The following NRP1 variants were observed in gnomAD, a reference collection of about 807,000 sequenced individuals.
The protein encoded by NRP1 is neuropilin-1.
NRP1 carries 35 observed loss-of-function variants against 106.7 expected under a neutral mutation model. The ratio of observed to expected loss-of-function variants is 0.33; its 90% CI spans 0.25 to 0.43. NRP1 has a LOEUF of 0.43. NRP1 is among the 20% of genes least tolerant of loss of function. The probability of loss-of-function intolerance (pLI) is 1.00; values close to 1 mark genes in which losing one functional copy is unlikely to be tolerated. For missense variants in NRP1, 1,024 were observed against 1,170.4 expected (o/e 0.87, Z 1.83); for synonymous variants, 437 against 417.9 (o/e 1.05, Z -0.56).
intron 9 of NRP1, among the ~76,000 whole-genome samples, chr10:33,210,038 C>T (rs1183693298): frequency 1.3e-5 from 2 of 152,162 alleles, no homozygotes; most frequent in Non-Finnish European, 2.9e-5. Flanking sequence ...ACAGTGGAAG[C>T]ATGTCAGTGA....
At chr10:33,210,920 C>T (rs143194986) in intron 9 of NRP1, among the ~76,000 whole-genome samples, 146 of 152,186 alleles carry the variant, frequency 9.6e-4, no homozygotes, top group Admixed American at 1.6e-3. Context: ...TTTCTTTTTT[C>T]GTCTTAGAGA....
At chr10:33,211,978 C>T (rs1838339336) in intron 9 of NRP1, 1 of 152,158 alleles carries the variant, frequency 6.6e-6, no homozygotes, top group African/African-American at 2.4e-5. Context: ...ATATTTGAAT[C>T]CTAAACCAGC....
At chr10:33,282,177 C>G (rs1281900250) in intron 2 of NRP1, among the ~76,000 whole-genome samples, 1 of 151,160 alleles carries the variant, frequency 6.6e-6, no homozygotes, top group Non-Finnish European at 1.5e-5. Flanking sequence ...CATTGATGTA[C>G]CCAACCGATT....
At position 33,178,895 on chromosome 10, in the gene NRP1, T is replaced by C. The variant is rs773801244; in HGVS notation, c.*1181A>G. On this transcript the variant is annotated 3_prime_UTR_variant, in exon 17 of 17. Transcript: ENST00000374867. ...GTTAGGAATTTCCCTTATTTATTTA[T>C]TTTTAAACATAAAGTCTAGTAAAAT... The C allele has an allele frequency of 1.5e-4, 23 of 152,684 alleles. No homozygotes were observed. Among genetic ancestry groups the C allele is most frequent in the Non-Finnish European group, 2.9e-4 (20 of 68,046 alleles). The allele number at this position is 152,684 out of a possible 1,614,324, so 9.5% of individuals were successfully genotyped here.
At chr10:33,190,829 G>A (rs949419253) in intron 13 of NRP1, among the ~76,000 whole-genome samples, 1 of 151,840 alleles carries the variant, frequency 6.6e-6, no homozygotes, top group Non-Finnish European at 1.5e-5. Flanking sequence ...GCCAGACATG[G>A]CTGGTTATTT....
chr10:33,197,658 A>G lies in NRP1; in HGVS notation c.1916T>C (p.Ile639Thr). ...TEKPTVIDST[I>T]QSEFPTYGFN... ...CGTATTTTATTTGATACCTGATTGT[A>G]TGGTGCTGTCTATGACCGTGGGCTT... The change falls in exon 12 of 17, where the codon ATA (isoleucine) becomes ACA (threonine). Residue 639 changes from isoleucine (I) to threonine (T), a missense_variant. Ile to Thr is a moderately conservative substitution (Grantham distance 89). Transcript: ENST00000374867. 1 of 1,603,882 alleles carries G rather than the reference A, an allele frequency of 6.2e-7. No homozygotes were observed. Among genetic ancestry groups the G allele is most frequent in the Non-Finnish European group, 8.5e-7 (1 of 1,174,876 alleles).
At chr10:33,206,393 GA>G (rs754583294) in intron 10 of NRP1, 1 of 508,560 alleles carries the variant, frequency 2.0e-6, no homozygotes, top group South Asian at 1.4e-5. Context: ...TACAGATATG[GA>G]AACAACCACA....
intron 10 of NRP1, chr10:33,205,693 G>A (rs1380531348): frequency 6.5e-6 from 1 of 153,950 alleles, no homozygotes; most frequent in Admixed American, 6.4e-5. Flanking sequence ...GGTGCCAGCT[G>A]ATCCATCAAG....
intron 16 of NRP1, among the ~76,000 whole-genome samples, chr10:33,182,205 T>A (rs1248997555): frequency 6.6e-6 from 1 of 152,164 alleles, no homozygotes; most frequent in Non-Finnish European, 1.5e-5. Context: ...AAGGTTCTAG[T>A]AGAGGAAGAT....
intron 2 of NRP1, among the ~76,000 whole-genome samples, chr10:33,289,171 A>AT (rs755381031): frequency 3.3e-5 from 5 of 152,300 alleles, no homozygotes; most frequent in Non-Finnish European, 7.4e-5. Context: ...ACTTTCAGAC[A>AT]TTTTTTTCTA....
At chr10:33,318,217 G>C (rs1430275068) in intron 2 of NRP1, among the ~76,000 whole-genome samples, 1 of 152,200 alleles carries the variant, frequency 6.6e-6, no homozygotes, top group Non-Finnish European at 1.5e-5. Context: ...CCTGGTCACT[G>C]TCACATCTTC....
At chr10:33,185,753 T>C in intron 14 of NRP1, 29 bp from the exon 15 acceptor site, 2 of 1,563,774 alleles carry the variant, frequency 1.3e-6, no homozygotes, top group African/African-American at 1.3e-5. Flanking sequence ...TTTCACAGTA[T>C]TGAAATGCTC....
In NRP1 at chr10:33,178,932, C is replaced by T. The variant is rs1044034423; in HGVS notation, c.*1144G>A. 2.0e-4 allele frequency: 30 copies of T among 152,588 alleles called. No individual in the cohort carries two copies. The highest frequency in any genetic ancestry group is 6.0e-4 in the African/African-American group (25 of 41,430). The allele number at this position is 152,588 out of a possible 1,614,324, so 9.5% of individuals were successfully genotyped here. On this transcript the variant is annotated 3_prime_UTR_variant, in exon 17 of 17. Transcript: ENST00000374867. The stretch of plus-strand genomic sequence containing the variant: ...AAGTCTAGTAAAATCGTTTGCCATT[C>T]CCAGCAGGTTAAAGCTGCAAGTTTC...
chr10:33,275,315 T>A (rs1375241839), intron 2 of NRP1, among the ~76,000 whole-genome samples: 1 of 152,210 alleles, frequency 6.6e-6, no homozygotes, highest in East Asian at 1.9e-4. Context: ...ATGCCTGTAA[T>A]CCCAGCACTT....
chr10:33,261,798 A>G (rs1325877305), intron 4 of NRP1, among the ~76,000 whole-genome samples: 5 of 152,120 alleles, frequency 3.3e-5, no homozygotes, highest in Non-Finnish European at 5.9e-5. Flanking sequence ...TGCAGTGGCC[A>G]TGATCTCGGC....
intron 2 of NRP1, among the ~76,000 whole-genome samples, chr10:33,284,264 A>G (rs1209044808): frequency 6.6e-6 from 1 of 152,220 alleles, no homozygotes; most frequent in Non-Finnish European, 1.5e-5. Flanking sequence ...TTAGCTTTTT[A>G]TTATATTTAA....
At chr10:33,298,388 T>C (rs1480676812) in intron 2 of NRP1, among the ~76,000 whole-genome samples, 2 of 152,148 alleles carry the variant, frequency 1.3e-5, no homozygotes, top group Non-Finnish European at 2.9e-5. Context: ...TCACGGCCAC[T>C]CTTTACACTG....
At chr10:33,304,421 G>A (rs180729206) in intron 2 of NRP1, among the ~76,000 whole-genome samples, 1 of 152,282 alleles carries the variant, frequency 6.6e-6, no homozygotes, top group Non-Finnish European at 1.5e-5. Context: ...ACCCTGTCCT[G>A]TTCTATAAGA....
chr10:33,253,505 G>A (rs1842002970), intron 6 of NRP1, among the ~76,000 whole-genome samples: 1 of 152,110 alleles, frequency 6.6e-6, no homozygotes, highest in Non-Finnish European at 1.5e-5. Flanking sequence ...CTTCTTGGAT[G>A]TGTGCTATAT....
Sources: gnomAD v4.1 joint callset for allele counts (sites outside exome capture counted in the v4.1 genomes callset) on GRCh38, gnomAD v4.1.1 for gene constraint, MANE v1.5 for transcripts, NCBI Gene and HGNC (gene_info 2026-07-23, HGNC 2026-07-21) for gene names.